The following ADGRB3 variants were observed in gnomAD, a reference collection of about 807,000 sequenced individuals.
ADGRB3 encodes brain-specific angiogenesis inhibitor 3.
A neutral mutation model predicts 193.4 loss-of-function variants in ADGRB3; 37 were observed. The ratio of observed to expected loss-of-function variants is 0.19; its 90% CI spans 0.15 to 0.25. The LOEUF (loss-of-function observed/expected upper bound fraction) is 0.25, where lower values mean the gene tolerates loss of function less well. ADGRB3 is among the 10% of genes least tolerant of loss of function. The pLI is 1.00. For synonymous variants in ADGRB3, 690 were observed against 644.2 expected (o/e 1.07, Z -1.08); for missense variants, 1,637 against 1,852.9 (o/e 0.88, Z 2.14).
intron 3 of ADGRB3, among the ~76,000 whole-genome samples, chr6:68,915,558 C>G (rs1039551379): frequency 1.3e-5 from 2 of 152,112 alleles, no homozygotes; most frequent in African/African-American, 4.8e-5. Context: ...CTCTAAATGG[C>G]TAAGAATTGG....
intron 17 of ADGRB3, among the ~76,000 whole-genome samples, chr6:69,118,661 T>C (rs1322435172): frequency 2.6e-5 from 4 of 151,370 alleles, no homozygotes; most frequent in African/African-American, 9.7e-5. Flanking sequence ...AGAGGTTAGA[T>C]TCGATGTTAA....
At chr6:68,949,146 G>A (rs903002738) in intron 6 of ADGRB3, among the ~76,000 whole-genome samples, 3 of 152,020 alleles carry the variant, frequency 2.0e-5, no homozygotes. Flanking sequence ...GGAAGAAATA[G>A]GTCAAATAAA....
At chr6:68,916,879 A>T (rs184607787) in intron 3 of ADGRB3, among the ~76,000 whole-genome samples, 174 of 152,320 alleles carry the variant, frequency 1.1e-3, no homozygotes, top group African/African-American at 4.1e-3. Context: ...CATACGAGAC[A>T]GGGTAAAGAG....
At chr6:68,769,664 A>T (rs1766577635) in intron 3 of ADGRB3, among the ~76,000 whole-genome samples, 1 of 152,090 alleles carries the variant, frequency 6.6e-6, no homozygotes, top group African/African-American at 2.4e-5. Context: ...TTCTGCACAC[A>T]TATCCCAAAA....
At chr6:69,247,915 T>C (rs932961942) in intron 20 of ADGRB3, among the ~76,000 whole-genome samples, 2 of 152,164 alleles carry the variant, frequency 1.3e-5, no homozygotes, top group East Asian at 1.9e-4. Flanking sequence ...TGTTGTATTG[T>C]TGCCATTTTA....
At chr6:69,091,973 G>T (rs867166136) in intron 17 of ADGRB3, among the ~76,000 whole-genome samples, 2 of 152,232 alleles carry the variant, frequency 1.3e-5, no homozygotes, top group Non-Finnish European at 1.5e-5. Flanking sequence ...TCCAAAGCCT[G>T]TTTCTCTATA....
chr6:68,710,420 T>C (rs1339969469), intron 3 of ADGRB3, among the ~76,000 whole-genome samples: 3 of 152,160 alleles, frequency 2.0e-5, no homozygotes, highest in Non-Finnish European at 4.4e-5. Flanking sequence ...TTTTTTTGTA[T>C]TGACATTGGC....
intron 13 of ADGRB3, among the ~76,000 whole-genome samples, chr6:69,026,209 TAA>T (rs1301301594): frequency 6.6e-6 from 1 of 152,172 alleles, no homozygotes; most frequent in Non-Finnish European, 1.5e-5. Flanking sequence ...TTATAATCGT[TAA>T]AAGAGGAATG....
At chr6:68,853,763 A>G (rs1768453473) in intron 3 of ADGRB3, among the ~76,000 whole-genome samples, 1 of 152,168 alleles carries the variant, frequency 6.6e-6, no homozygotes, top group Admixed American at 6.6e-5. Flanking sequence ...AGTAAAACCT[A>G]AAAAGATGTG....
intron 3 of ADGRB3, among the ~76,000 whole-genome samples, chr6:68,844,622 G>A (rs9342736): frequency 0.21 from 32,633 of 151,968 alleles, 4,048 homozygotes; most frequent in East Asian, 0.58. Context: ...ACTGCTAGGT[G>A]TATACCCAAA....
chr6:68,990,453 C>T (rs1769204984), intron 10 of ADGRB3, among the ~76,000 whole-genome samples: 1 of 152,126 alleles, frequency 6.6e-6, no homozygotes, highest in Non-Finnish European at 1.5e-5. Context: ...ATTGTTAGAG[C>T]TGGTGTTGTC....
At chr6:69,259,439 T>A (rs553329453) in intron 20 of ADGRB3, among the ~76,000 whole-genome samples, 1 of 152,276 alleles carries the variant, frequency 6.6e-6, no homozygotes, top group Admixed American at 6.5e-5. Flanking sequence ...CTCACGCCTG[T>A]AATCTCAGCA....
intron 17 of ADGRB3, among the ~76,000 whole-genome samples, chr6:69,175,569 G>A (rs941099541): frequency 1.3e-5 from 2 of 152,198 alleles, no homozygotes; most frequent in African/African-American, 4.8e-5. Context: ...GTGAAGTCAG[G>A]TAATGTGATG....
intron 3 of ADGRB3, among the ~76,000 whole-genome samples, chr6:68,855,628 T>C (rs980355949): frequency 6.6e-6 from 1 of 152,130 alleles, no homozygotes; most frequent in Non-Finnish European, 1.5e-5. Context: ...TGTTAGATGA[T>C]TAAAAAACTT....
At chr6:69,300,463 C>A (rs1191498651) in intron 20 of ADGRB3, among the ~76,000 whole-genome samples, 1 of 151,516 alleles carries the variant, frequency 6.6e-6, no homozygotes, top group South Asian at 2.1e-4. Flanking sequence ...GAAGTCCTAG[C>A]AAGAGCAATC....
chr6:68,800,458 A>G (rs373289981), intron 3 of ADGRB3, among the ~76,000 whole-genome samples: 1 of 152,182 alleles, frequency 6.6e-6, no homozygotes, highest in African/African-American at 2.4e-5. Context: ...TCATCAGCAT[A>G]TATTTAGATG....
Position 69,364,852 on chromosome 6 carries a change from CAAAAAACATACT to C in ADGRB3, c.4239+3343_4239+3354del, listed in dbSNP as rs1218275230. On this transcript the variant is annotated intron_variant, in intron 29 of 31. Coordinates refer to ENST00000370598, the MANE Select transcript of ADGRB3 (RefSeq NM_001704.3). ...ACATAGAGCAAAACAACAGCAACAA[CAAAAAACATACT>C]AAGATTTTGCTTTTGAGCAAGAGGG... 3.3e-5 allele frequency among the ~76,000 whole-genome samples: 5 copies of C among 152,044 alleles called. No homozygotes were observed. The East Asian group carries it at 7.8e-4, about 24-fold the overall frequency.
chr6:68,862,704 G>C (rs1218100708), intron 3 of ADGRB3, among the ~76,000 whole-genome samples: 1 of 152,052 alleles, frequency 6.6e-6, no homozygotes, highest in Non-Finnish European at 1.5e-5. Flanking sequence ...ATATATATGA[G>C]AGATTGTTCA....
chr6:69,151,287 C>G (rs1237239444), intron 17 of ADGRB3, among the ~76,000 whole-genome samples: 2 of 152,182 alleles, frequency 1.3e-5, no homozygotes, highest in Admixed American at 6.5e-5. Flanking sequence ...GTTCTGACTC[C>G]TGAGATGTAT....
Sources: allele counts gnomAD v4.1 joint callset (sites outside exome capture counted in the v4.1 genomes callset), GRCh38; gene constraint gnomAD v4.1.1; transcripts MANE v1.5; gene names NCBI Gene and HGNC (gene_info 2026-07-23, HGNC 2026-07-21).